Variants in CLSTN2 observed in about 807,000 individuals in gnomAD.
CLSTN2 encodes calsyntenin 2.
CLSTN2 carries 48 observed loss-of-function variants against 101.2 expected under a neutral mutation model. The observed-to-expected ratio is 0.47, with a 90% confidence interval of 0.38 to 0.60. The LOEUF (loss-of-function observed/expected upper bound fraction) is 0.60. Among genes scored for constraint, CLSTN2 ranks in the 20% least tolerant of loss-of-function variants. The pLI is 0.00. For missense variants in CLSTN2, 1,160 were observed against 1,238.2 expected, an observed-to-expected ratio of 0.94 and a Z score of 0.95; for synonymous variants, 481 against 463.6, an observed-to-expected ratio of 1.04 and a Z score of -0.48.
At chr3:140,518,729 T>C (rs1387224385) in intron 8 of CLSTN2, among the ~76,000 whole-genome samples, 1 of 152,190 alleles carries the variant, frequency 6.6e-6, no homozygotes, top group Non-Finnish European at 1.5e-5. Flanking sequence ...GCTTTCCTGG[T>C]ATGTTCCTGT....
intron 1 of CLSTN2, among the ~76,000 whole-genome samples, chr3:140,175,099 C>A (rs1023336538): frequency 1.3e-5 from 2 of 152,138 alleles, no homozygotes; most frequent in African/African-American, 4.8e-5. Context: ...CTAATCATAT[C>A]GGATGCGGAA....
rs2006742665 is a variant in CLSTN2, at chr3:139,998,500, G to A, written c.109+63017G>A. ...TGGGACCACAGGCGCCCGCCACCACGCCTGGCTAATTTTTTTTGTATTTTT... is the reference window on the plus strand; with the variant it reads ...TGGGACCACAGGCGCCCGCCACCACACCTGGCTAATTTTTTTTGTATTTTT... On this transcript the variant is annotated intron_variant, in intron 1 of 16. Transcript: ENST00000458420. Among the ~76,000 whole-genome samples, 5 of 150,202 alleles carry A rather than the reference G, an allele frequency of 3.3e-5. No homozygotes were observed. In the South Asian group the frequency reaches 1.1e-3, roughly 33 times the overall value.
intron 2 of CLSTN2, among the ~76,000 whole-genome samples, chr3:140,317,988 T>C (rs986926281): frequency 2.6e-5 from 4 of 152,216 alleles, no homozygotes; most frequent in Non-Finnish European, 4.4e-5. Flanking sequence ...ATTCATTACA[T>C]TGTGAGCCAG....
At chr3:140,129,168 CTT>C (rs11337346) in intron 1 of CLSTN2, among the ~76,000 whole-genome samples, 4 of 151,212 alleles carry the variant, frequency 2.6e-5, no homozygotes, top group Non-Finnish European at 5.9e-5. Context: ...ATTCCTACCA[CTT>C]TTTTTTTTAA....
At chr3:140,048,212 A>G (rs911375935) in intron 1 of CLSTN2, among the ~76,000 whole-genome samples, 12 of 152,228 alleles carry the variant, frequency 7.9e-5, no homozygotes, top group African/African-American at 2.9e-4. Context: ...TTTTAAATGC[A>G]CGGCTATTAA....
chr3:140,007,709 A>G (rs2006986431), intron 1 of CLSTN2, among the ~76,000 whole-genome samples: 1 of 152,144 alleles, frequency 6.6e-6, no homozygotes, highest in South Asian at 2.1e-4. Context: ...TACCTACTAC[A>G]GTGTGAGAAC....
chr3:140,148,418 T>A (rs1483146814), intron 1 of CLSTN2, among the ~76,000 whole-genome samples: 2 of 152,216 alleles, frequency 1.3e-5, no homozygotes, highest in Non-Finnish European at 2.9e-5. Context: ...TTACTCACTG[T>A]GGTTAGTTTG....
At chr3:140,504,557 G>A (rs1444317726) in intron 8 of CLSTN2, among the ~76,000 whole-genome samples, 1 of 152,168 alleles carries the variant, frequency 6.6e-6, no homozygotes, top group East Asian at 1.9e-4. Context: ...TTCTAAGACT[G>A]TATAATCTGG....
intron 8 of CLSTN2, among the ~76,000 whole-genome samples, chr3:140,513,575 T>C (rs957143705): frequency 3.8e-4 from 42 of 109,718 alleles, no homozygotes; most frequent in African/African-American, 1.4e-3. Flanking sequence ...CTTTCTTTTT[T>C]TTTCTTTCTT....
intron 15 of CLSTN2, among the ~76,000 whole-genome samples, 166 bp downstream of exon 15, chr3:140,563,369 C>T (rs544727184): frequency 2.7e-4 from 41 of 152,174 alleles, no homozygotes; most frequent in Non-Finnish European, 4.9e-4. Context: ...CTCACACCCT[C>T]AATAGGCAGT....
chr3:140,296,174 C>T (rs1264728295), intron 2 of CLSTN2, among the ~76,000 whole-genome samples: 1 of 152,178 alleles, frequency 6.6e-6, no homozygotes, highest in Non-Finnish European at 1.5e-5. Flanking sequence ...GGGGGAACCA[C>T]CTTCCTCATT....
chr3:140,571,803 G>C lies in CLSTN2; in HGVS notation c.*5550G>C, dbSNP rs950818419. ...CTGGAAAAGGAGAGTTGGCTTTACA[G>C]GGGCTGTGGATTAAGAGCCAGGCTT... On this transcript the variant is annotated 3_prime_UTR_variant, in exon 17 of 17. Coordinates refer to ENST00000458420, the MANE Select transcript of CLSTN2 (RefSeq NM_022131.3). 2 of 152,226 alleles carry C rather than the reference G, an allele frequency of 1.3e-5. No individual in the cohort carries two copies. The highest frequency in any genetic ancestry group is 3.8e-4 in the East Asian group (2 of 5,200). The allele number at this position is 152,226 out of a possible 1,614,324, so 9.4% of individuals were successfully genotyped here.
chr3:140,288,418 C>A (rs1354301200), intron 2 of CLSTN2, among the ~76,000 whole-genome samples: 1 of 152,100 alleles, frequency 6.6e-6, no homozygotes, highest in Non-Finnish European at 1.5e-5. Context: ...TCTCAGATAT[C>A]CAGCTGTTCC....
At chr3:140,112,441 A>T (rs2009171751) in intron 1 of CLSTN2, among the ~76,000 whole-genome samples, 1 of 152,188 alleles carries the variant, frequency 6.6e-6, no homozygotes, top group South Asian at 2.1e-4. Context: ...TTTAAAGCCC[A>T]TAATAATAAG....
At chr3:140,283,536 G>T (rs2086868004) in intron 2 of CLSTN2, among the ~76,000 whole-genome samples, 1 of 152,098 alleles carries the variant, frequency 6.6e-6, no homozygotes, top group Admixed American at 6.5e-5. Flanking sequence ...GAGGGGTTAG[G>T]GGATGGGCAC....
Position 140,545,775 on chromosome 3 carries a change from T to C in CLSTN2, c.1508-740T>C, listed in dbSNP as rs368232574. On this transcript the variant is annotated intron_variant, in intron 9 of 16. Coordinates refer to ENST00000458420, the MANE Select transcript of CLSTN2 (RefSeq NM_022131.3). ...GGGTAAAAGTGGACCTGAGCTCCCA[T>C]AGGACTTAGCACAGCCAGGAGAGAG... is the stretch of plus-strand genomic sequence containing the variant. Among the ~76,000 whole-genome samples the C allele has an allele frequency of 1.8e-4, 27 of 152,246 alleles. 1 individual carries two copies. The highest frequency in any genetic ancestry group is 1.0e-3 in the Admixed American group (16 of 15,306).
chr3:140,292,079 G>A (rs2061927), intron 2 of CLSTN2, among the ~76,000 whole-genome samples: 5,388 of 152,136 alleles, frequency 0.035, 190 homozygotes, highest in South Asian at 0.083. Context: ...GACTTTCAAT[G>A]TCTTTACAGT....
chr3:140,007,478 G>A (rs1393396520), intron 1 of CLSTN2, among the ~76,000 whole-genome samples: 2 of 152,146 alleles, frequency 1.3e-5, no homozygotes, highest in Admixed American at 6.5e-5. Flanking sequence ...TCCCCTTTTC[G>A]TTTTGGGTTT....
chr3:140,469,473 C>A (rs1933784270), intron 8 of CLSTN2, among the ~76,000 whole-genome samples: 1 of 152,096 alleles, frequency 6.6e-6, no homozygotes, highest in Non-Finnish European at 1.5e-5. Context: ...CCAGAAGTTT[C>A]TTGGGTGTAA....
Sources: allele counts gnomAD v4.1 joint callset (sites outside exome capture counted in the v4.1 genomes callset), GRCh38; gene constraint gnomAD v4.1.1; transcripts MANE v1.5; gene names NCBI Gene and HGNC (gene_info 2026-07-23, HGNC 2026-07-21).